Variants in SMAD4 observed in about 807,000 individuals in gnomAD.
SMAD4 encodes SMAD family member 4.
Under a neutral mutation model 63.2 loss-of-function variants are expected in SMAD4, and 7 were observed. The ratio of observed to expected loss-of-function variants is 0.11; its 90% CI spans 0.06 to 0.21. The LOEUF (loss-of-function observed/expected upper bound fraction) is 0.21. Ranked by LOEUF, SMAD4 falls within the 10% of genes least tolerant of loss-of-function variation. The probability of loss-of-function intolerance (pLI) is 1.00; values close to 1 mark genes in which losing one functional copy is unlikely to be tolerated. For missense variants in SMAD4, 312 were observed against 693.8 expected, an observed-to-expected ratio of 0.45 and a Z score of 6.18; for synonymous variants, 215 against 235.4, an observed-to-expected ratio of 0.91 and a Z score of 0.79.
chr18:51,076,948 C>G, intron 11 of SMAD4, 172 bp downstream of exon 11: 1 of 546,822 alleles, frequency 1.8e-6, no homozygotes. Flanking sequence ...TGCTTTTTGC[C>G]TATGACCCTG....
intron 10 of SMAD4, among the ~76,000 whole-genome samples, chr18:51,072,806 G>T (rs1479800305): frequency 6.6e-6 from 1 of 152,110 alleles, no homozygotes; most frequent in Non-Finnish European, 1.5e-5. Flanking sequence ...GAGCCAAAAA[G>T]AATATTTAAA....
At chr18:51,067,520 C>T (rs1365839796) in intron 10 of SMAD4, among the ~76,000 whole-genome samples, 1 of 152,088 alleles carries the variant, frequency 6.6e-6, no homozygotes, top group Non-Finnish European at 1.5e-5. Context: ...TCAAGCAATT[C>T]TCGTGCCTCA....
rs1424015742 is a variant in SMAD4, at chr18:51,082,818, T to G, written c.*4351T>G. On this transcript the variant is annotated 3_prime_UTR_variant, in exon 12 of 12. Coordinates refer to ENST00000342988, the MANE Select transcript of SMAD4 (RefSeq NM_005359.6). ...TATGTGAGTGTTAGTGTGCCTCCTT[T>G]TAGCATTTTCTTCTTCTCTTTCTGA... is the stretch of plus-strand genomic sequence containing the variant. The G allele has an allele frequency of 4.4e-6, 1 of 229,194 alleles. No homozygotes were observed. Among genetic ancestry groups the G allele is most frequent in the East Asian group, 6.2e-5 (1 of 16,122 alleles). 14.2% of individuals were successfully genotyped at this position (229,194 alleles called of 1,614,324 possible).
chr18:51,038,847 A>G (rs1909287964), intron 1 of SMAD4, among the ~76,000 whole-genome samples: 1 of 152,262 alleles, frequency 6.6e-6, no homozygotes, highest in Non-Finnish European at 1.5e-5. Context: ...ATAAATATCA[A>G]TGTATATAGC....
intron 1 of SMAD4, among the ~76,000 whole-genome samples, chr18:51,032,829 A>G (rs1244905785): frequency 6.6e-6 from 1 of 152,110 alleles, no homozygotes; most frequent in East Asian, 1.9e-4. Flanking sequence ...CGGCTTGTCT[A>G]AATTTTTGCC....
In SMAD4 at chr18:51,083,253, G is replaced by C. The variant is rs1910652378; in HGVS notation, c.*4786G>C. 4.4e-6 allele frequency: 1 copy of C among 227,054 alleles called. No individual in the cohort carries two copies. Among genetic ancestry groups the C allele is most frequent in the Non-Finnish European group, 8.7e-6 (1 of 114,292 alleles). 14.1% of individuals were successfully genotyped at this position (227,054 alleles called of 1,614,324 possible). On this transcript the variant is annotated 3_prime_UTR_variant, in exon 12 of 12. Transcript: ENST00000342988. ...AGCAAAACAAACCTTGGGAAACTAAGGCCATTTGTTTTGTTTTGGTGTCCC... is the reference window on the plus strand; with the variant it reads ...AGCAAAACAAACCTTGGGAAACTAACGCCATTTGTTTTGTTTTGGTGTCCC...
chr18:51,078,568 A>G lies in SMAD4; in HGVS notation c.*101A>G. On this transcript the variant is annotated 3_prime_UTR_variant, in exon 12 of 12. Coordinates refer to ENST00000342988, the MANE Select transcript of SMAD4 (RefSeq NM_005359.6). ...ATATATTTCACTTTTGTTCTGCTTTATCTTTTCATAAAGGGTTGAAAATGT... is the reference window on the plus strand; with the variant it reads ...ATATATTTCACTTTTGTTCTGCTTTGTCTTTTCATAAAGGGTTGAAAATGT... 1 of 880,620 alleles carries G rather than the reference A, an allele frequency of 1.1e-6. No homozygotes were observed. The highest frequency in any genetic ancestry group is 1.8e-6 in the Non-Finnish European group (1 of 567,704). 54.6% of individuals were successfully genotyped at this position (880,620 alleles called of 1,614,324 possible).
intron 8 of SMAD4, among the ~76,000 whole-genome samples, chr18:51,063,497 T>C (rs545634174): frequency 8.8e-4 from 134 of 152,268 alleles, no homozygotes; most frequent in African/African-American, 3.1e-3. Context: ...ACTGCAGCCC[T>C]GACCTCCCAG....
intron 5 of SMAD4, among the ~76,000 whole-genome samples, chr18:51,056,468 A>T (rs1384479913): frequency 1.3e-5 from 2 of 152,020 alleles, no homozygotes; most frequent in Non-Finnish European, 2.9e-5. Context: ...TTGTGTCAAA[A>T]TGTTCCCTTA....
intron 5 of SMAD4, among the ~76,000 whole-genome samples, chr18:51,057,841 G>A (rs894708307): frequency 1.3e-5 from 2 of 152,198 alleles, no homozygotes; most frequent in African/African-American, 2.4e-5. Flanking sequence ...TAGGCCAGAC[G>A]TACAGTGGTG....
At chr18:51,044,758 T>C (rs1368273635) in intron 1 of SMAD4, among the ~76,000 whole-genome samples, 1 of 152,230 alleles carries the variant, frequency 6.6e-6, no homozygotes, top group Non-Finnish European at 1.5e-5. Context: ...AGACACGTTA[T>C]GCAGAATTTT....
intron 6 of SMAD4, 36 bp downstream of exon 6, chr18:51,058,280 G>C (rs1909896720): frequency 6.2e-7 from 1 of 1,610,858 alleles, no homozygotes; most frequent in Non-Finnish European, 8.5e-7. Context: ...TTAAATAGTT[G>C]AGAAAAAAGT....
At chr18:51,043,854 A>G (rs907484690) in intron 1 of SMAD4, among the ~76,000 whole-genome samples, 2 of 152,244 alleles carry the variant, frequency 1.3e-5, no homozygotes, top group South Asian at 2.1e-4. Flanking sequence ...ATGACTTCAA[A>G]AGTGTCTGCA....
chr18:51,058,995 C>T (rs1909928756), intron 7 of SMAD4, among the ~76,000 whole-genome samples: 1 of 152,088 alleles, frequency 6.6e-6, no homozygotes, highest in Non-Finnish European at 1.5e-5. Flanking sequence ...TCCCTTTCTT[C>T]TCATTATAAT....
chr18:51,070,947 A>G (rs536857279), intron 10 of SMAD4, among the ~76,000 whole-genome samples: 2 of 152,260 alleles, frequency 1.3e-5, no homozygotes, highest in African/African-American at 4.8e-5. Context: ...TACTATGCCT[A>G]ATTTGTAAGT....
At chr18:51,073,554 G>A (rs1443282634) in intron 10 of SMAD4, among the ~76,000 whole-genome samples, 2 of 150,516 alleles carry the variant, frequency 1.3e-5, no homozygotes, top group Middle Eastern at 3.2e-3. Flanking sequence ...TTTTTGAGAC[G>A]GAGTCTTGCT....
At chr18:51,066,072 C>G (rs1282879063) in intron 9 of SMAD4, among the ~76,000 whole-genome samples, 2 of 152,016 alleles carry the variant, frequency 1.3e-5, no homozygotes, top group Non-Finnish European at 2.9e-5. Context: ...TATAATGAGG[C>G]TGGGTGCGGT....
intron 1 of SMAD4, among the ~76,000 whole-genome samples, chr18:51,044,375 G>GA (rs1568202174): frequency 6.6e-6 from 1 of 151,958 alleles, no homozygotes; most frequent in Admixed American, 6.6e-5. Context: ...TGCATTTTAG[G>GA]AAAAATCTTC....
At chr18:51,057,564 G>C (rs949832905) in intron 5 of SMAD4, among the ~76,000 whole-genome samples, 3 of 152,172 alleles carry the variant, frequency 2.0e-5, no homozygotes, top group East Asian at 1.9e-4. Flanking sequence ...CCAGTAAATG[G>C]TATATTGATT....
Sources: gnomAD v4.1 joint callset for allele counts (sites outside exome capture counted in the v4.1 genomes callset) on GRCh38, gnomAD v4.1.1 for gene constraint, MANE v1.5 for transcripts, NCBI Gene and HGNC (gene_info 2026-07-23, HGNC 2026-07-21) for gene names.